IRS1: variants seen among roughly 807,000 people sequenced by gnomAD.
The protein encoded by IRS1 is insulin receptor substrate 1.
IRS1 carries 34 observed loss-of-function variants against 65.6 expected under a neutral mutation model. The observed-to-expected ratio is 0.52, with a 90% CI of 0.39 to 0.69. The LOEUF is 0.69. Among genes scored for constraint, IRS1 ranks in the 30% least tolerant of loss-of-function variants. IRS1 has a pLI of 0.00. For synonymous variants in IRS1, 699 were observed against 683.5 expected (o/e 1.02, Z -0.35); for missense variants, 1,641 against 1,720.2 (o/e 0.95, Z 0.81).
intron 1 of IRS1, among the ~76,000 whole-genome samples, chr2:226,763,162 T>G (rs962335368): frequency 6.6e-6 from 1 of 152,108 alleles, no homozygotes; most frequent in Non-Finnish European, 1.5e-5. Context: ...AAAAAGAAAC[T>G]GAAGAAAATG....
chr2:226,759,234 G>A (rs1002090077), intron 1 of IRS1, among the ~76,000 whole-genome samples: 1 of 152,242 alleles, frequency 6.6e-6, no homozygotes, highest in Non-Finnish European at 1.5e-5. Context: ...AGATATGGTT[G>A]CTAGATTTTT....
At chr2:226,793,181 A>C (rs913621937) in intron 1 of IRS1, among the ~76,000 whole-genome samples, 1 of 152,232 alleles carries the variant, frequency 6.6e-6, no homozygotes, top group African/African-American at 2.4e-5. Flanking sequence ...TCTTCAGAGC[A>C]AACATCATTT....
chr2:226,758,757 G>A (rs932663720), intron 1 of IRS1, among the ~76,000 whole-genome samples: 3 of 151,836 alleles, frequency 2.0e-5, no homozygotes, highest in Admixed American at 1.3e-4. Flanking sequence ...AAAAAAAAAA[G>A]GTGTCAGTGA....
At chr2:226,766,147 ATATATATATATATATATTT>A (rs1399886936) in intron 1 of IRS1, among the ~76,000 whole-genome samples, 2 of 3,864 alleles carry the variant, frequency 5.2e-4, no homozygotes, top group African/African-American at 1.2e-3. Context: ...ATATATATAT[ATATATATATATATATATTT>A]TTTTTTTTTT....
At chr2:226,746,775 T>C (rs548643315) in intron 1 of IRS1, among the ~76,000 whole-genome samples, 99 of 150,784 alleles carry the variant, frequency 6.6e-4, no homozygotes, top group African/African-American at 2.4e-3. Flanking sequence ...AAAAGTTTCC[T>C]AGCAGCATTC....
intron 1 of IRS1, among the ~76,000 whole-genome samples, chr2:226,742,770 G>C (rs901139341): frequency 2.0e-5 from 3 of 151,226 alleles, no homozygotes; most frequent in African/African-American, 7.3e-5. Context: ...CTCTGGCAGA[G>C]GCTACTGGGC....
chr2:226,748,522 T>C (rs752859514), intron 1 of IRS1, among the ~76,000 whole-genome samples: 2 of 152,094 alleles, frequency 1.3e-5, no homozygotes, highest in African/African-American at 4.8e-5. Flanking sequence ...AAATTCACTT[T>C]AAAAAATAAA....
intron 1 of IRS1, among the ~76,000 whole-genome samples, chr2:226,790,604 G>T (rs1010186694): frequency 6.6e-6 from 1 of 152,226 alleles, no homozygotes; most frequent in African/African-American, 2.4e-5. Flanking sequence ...TGCTTGGTAC[G>T]TTTCCACCTG....
rs1423189519 is a variant in IRS1 at position 226,735,066 on chromosome 2, A to G, written c.*1206T>C. 6.6e-6 allele frequency: 1 copy of G among 152,198 alleles called. No individual in the cohort carries two copies. The highest frequency in any genetic ancestry group is 1.5e-5 in the Non-Finnish European group (1 of 68,046). The allele number at this position is 152,198 out of a possible 1,614,324, so 9.4% of individuals were successfully genotyped here. On this transcript the variant is annotated 3_prime_UTR_variant, in exon 2 of 2. Coordinates refer to ENST00000305123, the MANE Select transcript of IRS1 (RefSeq NM_005544.3). Reference sequence around the variant, plus strand: ...GCCCTGGTCATAATGAAAAACACTTACTGGAATTTTAATTTCTGGTTAGCA... The same window carrying G: ...GCCCTGGTCATAATGAAAAACACTTGCTGGAATTTTAATTTCTGGTTAGCA...
At position 226,733,751 on chromosome 2, in the gene IRS1, G is replaced by C. The variant is rs536094873; in HGVS notation, c.*2521C>G. ...TGACGTTGCTCAAAGGAAACCCTTC[G>C]TGTCGCCAGAGTATGAACTTTTGGT... On this transcript the variant is annotated 3_prime_UTR_variant, in exon 2 of 2. Coordinates refer to ENST00000305123, the MANE Select transcript of IRS1 (RefSeq NM_005544.3). 4.4e-4 allele frequency: 67 copies of C among 152,254 alleles called. No individual in the cohort carries two copies. Among genetic ancestry groups the C allele is most frequent in the African/African-American group, 1.5e-3 (63 of 41,526 alleles). The allele number at this position is 152,254 out of a possible 1,614,324, so 9.4% of individuals were successfully genotyped here. A position where few individuals can be genotyped will look rare whatever the true frequency, so the allele number is the denominator to read the frequency against.
chr2:226,793,591 G>A (rs1939651585), intron 1 of IRS1, among the ~76,000 whole-genome samples: 1 of 152,040 alleles, frequency 6.6e-6, no homozygotes, highest in Admixed American at 6.5e-5. Flanking sequence ...ATTGGAAACA[G>A]AATTAAGAAG....
chr2:226,799,106 G>T lies in IRS1; in HGVS notation c.-368C>A. ...CGGCTGGAGTCCGGCACAGGGAGGC[G>T]ACAGTCGGGGGTCCCTGCGGTGCCC... On this transcript the variant is annotated 5_prime_UTR_variant, in exon 1 of 2. Coordinates refer to ENST00000305123, the MANE Select transcript of IRS1 (RefSeq NM_005544.3). This position sits in a 1 kb window ranked among gnomAD's most constrained non-coding sequence, Gnocchi z 6.1. 1 of 1,193,072 alleles carries T rather than the reference G, an allele frequency of 8.4e-7. No individual in the cohort carries two copies. The highest frequency in any genetic ancestry group is 1.1e-6 in the Non-Finnish European group (1 of 945,432). The allele number at this position is 1,193,072 out of a possible 1,614,324, so 73.9% of individuals were successfully genotyped here.
At chr2:226,774,722 C>A (rs530546740) in intron 1 of IRS1, among the ~76,000 whole-genome samples, 2 of 152,244 alleles carry the variant, frequency 1.3e-5, no homozygotes, top group South Asian at 2.1e-4. Flanking sequence ...GGTAAATAAA[C>A]TATGTTTCAT....
At chr2:226,764,407 G>C (rs1938986608) in intron 1 of IRS1, among the ~76,000 whole-genome samples, 1 of 152,048 alleles carries the variant, frequency 6.6e-6, no homozygotes, top group African/African-American at 2.4e-5. Flanking sequence ...AGCTGAACAT[G>C]ATGGTGCTCA....
rs533511013 is a variant in IRS1, at chr2:226,733,886, T to C, written c.*2386A>G. 1 of 152,368 alleles carries C rather than the reference T, an allele frequency of 6.6e-6. No individual in the cohort carries two copies. Among genetic ancestry groups the C allele is most frequent in the South Asian group, 2.1e-4 (1 of 4,824 alleles). 9.4% of individuals were successfully genotyped at this position (152,368 alleles called of 1,614,324 possible). ...ATAAGAATTTCTACCTTTATGCTTT[T>C]CGACTCAAAAAGTCAGAGAAATAGA... On this transcript the variant is annotated 3_prime_UTR_variant, in exon 2 of 2. Coordinates refer to ENST00000305123, the MANE Select transcript of IRS1 (RefSeq NM_005544.3).
rs1938244414 is a variant in IRS1 at position 226,732,576 on chromosome 2, C to G, written c.*3696G>C. On this transcript the variant is annotated 3_prime_UTR_variant, in exon 2 of 2. Coordinates refer to ENST00000305123, the MANE Select transcript of IRS1 (RefSeq NM_005544.3). Reference sequence around the variant, plus strand: ...TATATCTATATATGTGTGTATATATCTATATATTTGTATATATTCATCTAT... The same window carrying G: ...TATATCTATATATGTGTGTATATATGTATATATTTGTATATATTCATCTAT... The G allele has an allele frequency of 1.4e-5, 2 of 145,532 alleles. No individual in the cohort carries two copies. The highest frequency in any genetic ancestry group is 7.0e-5 in the Admixed American group (1 of 14,194). 9.0% of individuals were successfully genotyped at this position (145,532 alleles called of 1,614,324 possible).
At chr2:226,778,400 TGATGTATGGATTTAACAG>T (rs1331927469) in intron 1 of IRS1, among the ~76,000 whole-genome samples, 18 of 152,212 alleles carry the variant, frequency 1.2e-4, no homozygotes, top group Non-Finnish European at 1.5e-5. Flanking sequence ...TTTCTTCTTG[TGATGTATGGATTTAACAG>T]GAATATGCCT....
intron 1 of IRS1, among the ~76,000 whole-genome samples, chr2:226,781,331 C>T (rs1426830168): frequency 6.6e-6 from 1 of 152,004 alleles, no homozygotes; most frequent in Non-Finnish European, 1.5e-5. Context: ...ATAATATTTC[C>T]CATCCACAAA....
At position 226,796,947 on chromosome 2, in the gene IRS1, G is replaced by GC. The variant is rs761880048; in HGVS notation, c.1791dup (p.His598AlafsTer13). On this transcript the variant is annotated frameshift_variant, in exon 1 of 2. Transcript: ENST00000305123. LOFTEE classifies it high-confidence loss of function. ...AGGGTGGAGCTGTCTGGGCGGTGGT[G>GC]CCCCCCCCGACGCTCCAAGGGGTGC... 193 of 1,556,028 alleles carry GC rather than the reference G, an allele frequency of 1.2e-4. No individual in the cohort carries two copies. Among genetic ancestry groups the GC allele is most frequent in the Admixed American group, 2.0e-4 (11 of 55,654 alleles).
Sources: allele counts gnomAD v4.1 joint callset (sites outside exome capture counted in the v4.1 genomes callset), GRCh38; gene constraint gnomAD v4.1.1; non-coding constraint Gnocchi (gnomAD v3.1); transcripts MANE v1.5; gene names NCBI Gene and HGNC (gene_info 2026-07-23, HGNC 2026-07-21).